The following MAGI1 variants were observed in gnomAD, a reference collection of about 807,000 sequenced individuals.
MAGI1 encodes the protein membrane-associated guanylate kinase, WW and PDZ domain-containing protein 1.
A neutral mutation model predicts 139.9 loss-of-function variants in MAGI1; 58 were observed. The ratio of observed to expected loss-of-function variants is 0.41; its 90% confidence interval spans 0.34 to 0.52. The LOEUF is 0.52. Among genes scored for constraint, MAGI1 ranks in the 20% least tolerant of loss-of-function variants. The pLI, the probability that MAGI1 is intolerant of heterozygous loss-of-function variation, is 0.12. For missense variants in MAGI1, 1,874 were observed against 1,901.6 expected (o/e 0.99, Z 0.27); for synonymous variants, 812 against 737.9 (o/e 1.10, Z -1.63).
chr3:65,973,408 C>A (rs978454768), intron 1 of MAGI1, among the ~76,000 whole-genome samples: 1 of 152,050 alleles, frequency 6.6e-6, no homozygotes, highest in Non-Finnish European at 1.5e-5. Context: ...ATAAGATACA[C>A]CATTTAAAGT....
intron 2 of MAGI1, among the ~76,000 whole-genome samples, chr3:65,584,661 G>C (rs1398931748): frequency 1.3e-5 from 2 of 152,112 alleles, no homozygotes; most frequent in African/African-American, 4.8e-5. Context: ...TAAATTTGAA[G>C]TGTGTGGTAC....
At chr3:65,582,580 T>G (rs1576387105) in intron 2 of MAGI1, among the ~76,000 whole-genome samples, 1 of 147,466 alleles carries the variant, frequency 6.8e-6, no homozygotes, top group Middle Eastern at 3.5e-3. Flanking sequence ...CTGACGATTC[T>G]GAGTACAAAA....
At chr3:65,542,299 G>A (rs1222471766) in intron 2 of MAGI1, among the ~76,000 whole-genome samples, 2 of 152,208 alleles carry the variant, frequency 1.3e-5, no homozygotes, top group African/African-American at 4.8e-5. Context: ...AACATTCCAT[G>A]CTCATGGATA....
chr3:65,741,177 G>T (rs996787935), intron 1 of MAGI1, among the ~76,000 whole-genome samples: 5 of 133,096 alleles, frequency 3.8e-5, no homozygotes, highest in African/African-American at 1.4e-4. Flanking sequence ...TGCTATTATT[G>T]ATTTTTTTTT....
At chr3:65,948,307 T>C (rs1187530253) in intron 1 of MAGI1, among the ~76,000 whole-genome samples, 2 of 152,194 alleles carry the variant, frequency 1.3e-5, no homozygotes, top group African/African-American at 4.8e-5. Flanking sequence ...TGGAATATTA[T>C]AAGATATATC....
At chr3:65,495,700 G>C (rs944072009) in intron 2 of MAGI1, among the ~76,000 whole-genome samples, 3 of 152,142 alleles carry the variant, frequency 2.0e-5, no homozygotes, top group Non-Finnish European at 4.4e-5. Flanking sequence ...AGCAACATAG[G>C]TTAAAGGTTT....
chr3:65,743,394 G>C (rs1032942000), intron 1 of MAGI1, among the ~76,000 whole-genome samples: 2 of 152,044 alleles, frequency 1.3e-5, no homozygotes, highest in Non-Finnish European at 2.9e-5. Context: ...CTCTGAAGCA[G>C]TCCTCATCTC....
At chr3:65,714,832 T>G (rs974623000) in intron 1 of MAGI1, among the ~76,000 whole-genome samples, 1 of 152,104 alleles carries the variant, frequency 6.6e-6, no homozygotes, top group Non-Finnish European at 1.5e-5. Flanking sequence ...TTAAATCATC[T>G]GAAATTTCTG....
rs530564899 is a variant in MAGI1, at chr3:65,620,879, A to C, written c.430+1093T>G. 2.0e-5 allele frequency among the ~76,000 whole-genome samples: 3 copies of C among 152,306 alleles called. No individual in the cohort carries two copies. The South Asian group carries it at 6.2e-4, about 32-fold the overall frequency. On this transcript the variant is annotated intron_variant, in intron 2 of 22. Coordinates refer to ENST00000402939, the MANE Select transcript of MAGI1 (RefSeq NM_001033057.2). ...GGCTATTCTAGAATCTGATCTGTGG[A>C]GGTTATCATCTAGAACTATAGTCTA...
At chr3:65,746,087 G>A (rs896332772) in intron 1 of MAGI1, among the ~76,000 whole-genome samples, 1 of 152,142 alleles carries the variant, frequency 6.6e-6, no homozygotes, top group Non-Finnish European at 1.5e-5. Context: ...CCAGGCTGCA[G>A]TACAGTGGCA....
At chr3:65,807,408 G>C (rs1222017885) in intron 1 of MAGI1, among the ~76,000 whole-genome samples, 1 of 152,152 alleles carries the variant, frequency 6.6e-6, no homozygotes, top group Non-Finnish European at 1.5e-5. Context: ...TTCCACTCAT[G>C]AGAGCTCCAC....
chr3:65,465,638 T>C (rs1050457950), intron 5 of MAGI1, among the ~76,000 whole-genome samples: 29 of 152,168 alleles, frequency 1.9e-4, no homozygotes, highest in African/African-American at 6.8e-4. Flanking sequence ...ACATAGGGTG[T>C]CATTTCTCAT....
At chr3:65,684,118 G>A (rs1443076756) in intron 1 of MAGI1, among the ~76,000 whole-genome samples, 1 of 143,314 alleles carries the variant, frequency 7.0e-6, no homozygotes, top group African/African-American at 2.6e-5. Flanking sequence ...AGGCTACAGT[G>A]AGCTATGATC....
In MAGI1 at chr3:65,556,504, C is replaced by A. The variant is rs116393745; in HGVS notation, c.431-62873G>T. 7.6e-3 allele frequency among the ~76,000 whole-genome samples: 1,152 copies of A among 152,268 alleles called. 18 individuals carry two copies. Among genetic ancestry groups the A allele is most frequent in the African/African-American group, 0.027 (1,106 of 41,562 alleles). On this transcript the variant is annotated intron_variant, in intron 2 of 22. Coordinates refer to ENST00000402939, the MANE Select transcript of MAGI1 (RefSeq NM_001033057.2). ...CAGAGTTCTCATTATCAGTGAATGTCATTTGCATCCATCTCATTATAAAAG... is the reference window on the plus strand; with the variant it reads ...CAGAGTTCTCATTATCAGTGAATGTAATTTGCATCCATCTCATTATAAAAG...
chr3:65,533,286 A>C (rs1444790627), intron 2 of MAGI1, among the ~76,000 whole-genome samples: 2 of 152,156 alleles, frequency 1.3e-5, no homozygotes, highest in Admixed American at 6.6e-5. Context: ...TGGAGAGATA[A>C]AGACCAAAGG....
chr3:65,374,382 A>T (rs1942299087), intron 18 of MAGI1, among the ~76,000 whole-genome samples: 1 of 146,524 alleles, frequency 6.8e-6, no homozygotes, highest in Admixed American at 7.1e-5. Context: ...CAGTGGCGCA[A>T]TCTCGGCTCA....
chr3:65,503,854 G>C (rs1308677127), intron 2 of MAGI1, among the ~76,000 whole-genome samples: 1 of 152,146 alleles, frequency 6.6e-6, no homozygotes, highest in Non-Finnish European at 1.5e-5. Context: ...AAAAGAAGAA[G>C]TTTTGAGTGC....
chr3:65,367,646 T>A (rs1575609739), intron 18 of MAGI1, among the ~76,000 whole-genome samples: 1 of 152,238 alleles, frequency 6.6e-6, no homozygotes, highest in African/African-American at 2.4e-5. Flanking sequence ...GGCCCCAGTT[T>A]ACAAATGAAG....
chr3:65,391,484 CT>C, intron 13 of MAGI1, 126 bp from the exon 14 acceptor site: 8 of 717,646 alleles, frequency 1.1e-5, no homozygotes, highest in Non-Finnish European at 1.6e-5. Flanking sequence ...AGTATTTTGG[CT>C]CCCACCTTTC....
Sources: gnomAD v4.1 joint callset for allele counts (sites outside exome capture counted in the v4.1 genomes callset) on GRCh38, gnomAD v4.1.1 for gene constraint, MANE v1.5 for transcripts, NCBI Gene and HGNC (gene_info 2026-07-23, HGNC 2026-07-21) for gene names.